RAPGEF5: variants seen among roughly 807,000 people sequenced by gnomAD.
The protein encoded by RAPGEF5 is Rap guanine nucleotide exchange factor 5.
In RAPGEF5, 65 loss-of-function variants were observed where a neutral mutation model predicts 125.2. The observed-to-expected ratio is 0.52, with a 90% confidence interval of 0.43 to 0.64. The LOEUF (loss-of-function observed/expected upper bound fraction) is 0.64, where lower values mean the gene tolerates loss of function less well. RAPGEF5 is among the 30% of genes least tolerant of loss of function. The pLI is 0.00. For missense variants in RAPGEF5, 958 were observed against 1,048.1 expected (o/e 0.91, Z 1.19); for synonymous variants, 391 against 385.9 (o/e 1.01, Z -0.16).
intron 1 of RAPGEF5, among the ~76,000 whole-genome samples, chr7:22,348,167 C>T (rs1784260602): frequency 6.6e-6 from 1 of 152,172 alleles, no homozygotes; most frequent in Admixed American, 6.5e-5. Flanking sequence ...AAAATTATGT[C>T]TGAATGTGCA....
chr7:22,126,347 G>A (rs910650125), intron 24 of RAPGEF5, among the ~76,000 whole-genome samples: 3 of 152,184 alleles, frequency 2.0e-5, no homozygotes, highest in African/African-American at 4.8e-5. Context: ...TGGACTCAGA[G>A]GCTCCAATCT....
chr7:22,213,257 T>C (rs959321208), intron 9 of RAPGEF5, among the ~76,000 whole-genome samples: 32 of 152,324 alleles, frequency 2.1e-4, no homozygotes, highest in African/African-American at 7.2e-4. Context: ...CCACTGACTT[T>C]CACTGGCAGT....
intron 5 of RAPGEF5, among the ~76,000 whole-genome samples, chr7:22,296,759 C>T (rs974386174): frequency 2.6e-5 from 4 of 152,132 alleles, no homozygotes; most frequent in Non-Finnish European, 5.9e-5. Flanking sequence ...AGCACTGAAA[C>T]ACAGTTAATA....
intron 7 of RAPGEF5, among the ~76,000 whole-genome samples, chr7:22,248,187 G>C (rs927555500): frequency 6.6e-6 from 1 of 152,188 alleles, no homozygotes; most frequent in Non-Finnish European, 1.5e-5. Context: ...CCCTGTGCTA[G>C]AGTAGGCCCT....
In RAPGEF5 at chr7:22,267,111, T is replaced by G. The variant is rs926854390; in HGVS notation, c.748-99A>C. 2.5e-6 allele frequency: 3 copies of G among 1,177,128 alleles called. No homozygotes were observed. In the African/African-American group the frequency reaches 4.7e-5, roughly 18 times the overall value. 72.9% of individuals were successfully genotyped at this position (1,177,128 alleles called of 1,614,324 possible). A position where few individuals can be genotyped will look rare whatever the true frequency, so the allele number is the denominator to read the frequency against. On this transcript the variant is annotated intron_variant, in intron 6 of 25. Transcript: ENST00000665637. ...TAGATATCCAACCCAAATTCAGAGC[T>G]GTTTCAATTAAACCTAAGTTTGCTG...
At chr7:22,126,177 C>G (rs979529986) in intron 24 of RAPGEF5, among the ~76,000 whole-genome samples, 5 of 152,024 alleles carry the variant, frequency 3.3e-5, no homozygotes, top group Non-Finnish European at 7.4e-5. Flanking sequence ...AACAGTAGCA[C>G]CCAATCCGGG....
At chr7:22,257,399 T>G (rs1309090095) in intron 7 of RAPGEF5, among the ~76,000 whole-genome samples, 1 of 152,174 alleles carries the variant, frequency 6.6e-6, no homozygotes, top group Non-Finnish European at 1.5e-5. Context: ...CAATAAGAAG[T>G]TTACCTTTCT....
chr7:22,122,874 C>T (rs10807809), intron 25 of RAPGEF5, among the ~76,000 whole-genome samples: 79,183 of 152,020 alleles, frequency 0.52, 20,941 homozygotes, highest in South Asian at 0.75. Flanking sequence ...GGTTCCTGAG[C>T]CCTTTTAGGT....
intron 11 of RAPGEF5, among the ~76,000 whole-genome samples, chr7:22,176,320 C>T (rs1031856899): frequency 7.2e-5 from 11 of 152,210 alleles, no homozygotes; most frequent in Admixed American, 2.6e-4. Context: ...TGGGTGAGGA[C>T]ACAGCCAAAC....
intron 25 of RAPGEF5, among the ~76,000 whole-genome samples, chr7:22,122,748 C>A (rs191395776): frequency 6.6e-6 from 1 of 152,298 alleles, no homozygotes; most frequent in East Asian, 1.9e-4. Context: ...CATTTATTAC[C>A]TAACATTGTA....
intron 6 of RAPGEF5, among the ~76,000 whole-genome samples, chr7:22,285,076 C>A (rs768935196): frequency 6.6e-6 from 1 of 152,188 alleles, no homozygotes. Context: ...TGGGCTAACT[C>A]ATTTGGCAAC....
At chr7:22,232,912 T>C (rs918838766) in intron 7 of RAPGEF5, among the ~76,000 whole-genome samples, 1 of 152,218 alleles carries the variant, frequency 6.6e-6, no homozygotes, top group Non-Finnish European at 1.5e-5. Context: ...TTTGGATAAC[T>C]AGGATAACTC....
intron 1 of RAPGEF5, among the ~76,000 whole-genome samples, chr7:22,349,240 G>A (rs6955092): frequency 0.29 from 43,344 of 151,320 alleles, 6,357 homozygotes; most frequent in East Asian, 0.36. Context: ...CCTGGCCAAC[G>A]TGGTGAAACC....
At chr7:22,131,828 AAAC>A (rs1290738411) in intron 23 of RAPGEF5, among the ~76,000 whole-genome samples, 1 of 152,192 alleles carries the variant, frequency 6.6e-6, no homozygotes, top group Non-Finnish European at 1.5e-5. Flanking sequence ...TGGCTGCAGT[AAAC>A]AAAAGAGTGC....
rs1386645885 is a variant in RAPGEF5, at chr7:22,272,265, C to T, written c.748-5253G>A. On this transcript the variant is annotated intron_variant, in intron 6 of 25. Transcript: ENST00000665637. ...GGCCTAGGCAGGAGAATCACTTGAA[C>T]CCGGGAGGCGGAGGTTGCAGTGAGC... 4.7e-5 allele frequency among the ~76,000 whole-genome samples: 7 copies of T among 150,086 alleles called. No individual in the cohort carries two copies. The East Asian group carries it at 1.2e-3, about 25-fold the overall frequency.
At chr7:22,244,584 C>T (rs1786428439) in intron 7 of RAPGEF5, among the ~76,000 whole-genome samples, 1 of 152,036 alleles carries the variant, frequency 6.6e-6, no homozygotes, top group Admixed American at 6.6e-5. Flanking sequence ...GGAAAACAAG[C>T]TCAGGTCTTC....
intron 11 of RAPGEF5, among the ~76,000 whole-genome samples, chr7:22,179,011 G>A (rs1253913855): frequency 1.3e-5 from 2 of 152,114 alleles, no homozygotes; most frequent in Non-Finnish European, 2.9e-5. Context: ...CTTGTGTTAA[G>A]AATAAGTGAT....
chr7:22,258,018 A>C (rs1437085699), intron 7 of RAPGEF5, among the ~76,000 whole-genome samples: 1 of 152,256 alleles, frequency 6.6e-6, no homozygotes, highest in Non-Finnish European at 1.5e-5. Flanking sequence ...CATCATTGAC[A>C]GATGATGAAT....
chr7:22,278,729 C>T (rs1222967093), intron 6 of RAPGEF5, among the ~76,000 whole-genome samples: 1 of 149,362 alleles, frequency 6.7e-6, no homozygotes, highest in Admixed American at 6.8e-5. Context: ...TCACCTACTT[C>T]GGTTCCATAC....
Sources: allele counts gnomAD v4.1 joint callset (sites outside exome capture counted in the v4.1 genomes callset), GRCh38; gene constraint gnomAD v4.1.1; transcripts MANE v1.5; gene names NCBI Gene and HGNC (gene_info 2026-07-23, HGNC 2026-07-21).